GPC5: variants seen among roughly 807,000 people sequenced by gnomAD.
The protein encoded by GPC5 is glypican-5.
A neutral mutation model predicts 53.9 loss-of-function variants in GPC5; 47 were observed. The observed-to-expected ratio is 0.87, with a 90% CI of 0.69 to 1.11. The LOEUF (loss-of-function observed/expected upper bound fraction) is 1.11. GPC5 is among the 50% of genes most tolerant of loss of function. The probability of loss-of-function intolerance (pLI) is 0.00; values close to 1 mark genes in which losing one functional copy is unlikely to be tolerated. For synonymous variants in GPC5, 286 were observed against 263.3 expected, an observed-to-expected ratio of 1.09 and a Z score of -0.84; for missense variants, 748 against 713.1, an observed-to-expected ratio of 1.05 and a Z score of -0.56.
At chr13:91,795,700 G>A (rs887088614) in intron 5 of GPC5, among the ~76,000 whole-genome samples, 1 of 152,076 alleles carries the variant, frequency 6.6e-6, no homozygotes, top group Non-Finnish European at 1.5e-5. Context: ...CTTGGTGAAT[G>A]AGGTGCTAAC....
chr13:92,080,626 T>G (rs1401435560), intron 6 of GPC5, among the ~76,000 whole-genome samples: 1 of 152,238 alleles, frequency 6.6e-6, no homozygotes, highest in African/African-American at 2.4e-5. Context: ...ATCTGGACTT[T>G]ATCTTCATCA....
At chr13:92,275,353 T>C (rs2042868045) in intron 7 of GPC5, among the ~76,000 whole-genome samples, 1 of 152,056 alleles carries the variant, frequency 6.6e-6, no homozygotes, top group Non-Finnish European at 1.5e-5. Context: ...TTTAAAGGAT[T>C]TCATCATATA....
intron 7 of GPC5, among the ~76,000 whole-genome samples, chr13:92,450,156 A>G (rs1421428212): frequency 6.6e-6 from 1 of 152,126 alleles, no homozygotes; most frequent in African/African-American, 2.4e-5. Flanking sequence ...AACTTGGAAC[A>G]AAAGAAATTG....
At chr13:91,854,267 A>C (rs1160612158) in intron 5 of GPC5, among the ~76,000 whole-genome samples, 1 of 151,852 alleles carries the variant, frequency 6.6e-6, no homozygotes, top group African/African-American at 2.4e-5. Context: ...TTTTGTGGGT[A>C]CATAATAGGT....
chr13:92,176,406 G>C (rs955626710), intron 7 of GPC5, among the ~76,000 whole-genome samples: 9 of 152,152 alleles, frequency 5.9e-5, no homozygotes, highest in African/African-American at 1.9e-4. Context: ...GTAAGTGGTG[G>C]TTTGTGTTTT....
chr13:92,083,980 G>A (rs959015394), intron 6 of GPC5, among the ~76,000 whole-genome samples: 1 of 152,190 alleles, frequency 6.6e-6, no homozygotes, highest in African/African-American at 2.4e-5. Context: ...CAGGGACATG[G>A]ATGGAGCTGG....
At chr13:92,678,963 C>A (rs868444499) in intron 7 of GPC5, among the ~76,000 whole-genome samples, 6 of 151,912 alleles carry the variant, frequency 3.9e-5, no homozygotes, top group Non-Finnish European at 8.8e-5. Context: ...AGAGCCTGAG[C>A]CAAACGTCCC....
intron 7 of GPC5, among the ~76,000 whole-genome samples, chr13:92,195,269 TA>T (rs760386617): frequency 5.9e-5 from 9 of 152,182 alleles, no homozygotes; most frequent in Non-Finnish European, 1.2e-4. Context: ...GTGCAGTGCC[TA>T]AAACTAAACA....
chr13:92,326,303 T>C (rs989708036), intron 7 of GPC5, among the ~76,000 whole-genome samples: 1 of 152,092 alleles, frequency 6.6e-6, no homozygotes. Flanking sequence ...TATGGGTTTT[T>C]ATATTTCCTT....
intron 7 of GPC5, among the ~76,000 whole-genome samples, chr13:92,654,619 G>A (rs1458759102): frequency 1.3e-5 from 2 of 151,972 alleles, no homozygotes; most frequent in South Asian, 2.1e-4. Flanking sequence ...CCTTTATTAC[G>A]ATTTTGGATT....
chr13:92,331,071 A>C (rs1185835172), intron 7 of GPC5, among the ~76,000 whole-genome samples: 1 of 152,192 alleles, frequency 6.6e-6, no homozygotes, highest in Non-Finnish European at 1.5e-5. Context: ...AGGTCTAAAT[A>C]GATTTTTTTA....
In GPC5 at chr13:92,235,925, T is replaced by TA. The variant is rs201676682; in HGVS notation, c.1561+90945dup. On this transcript the variant is annotated intron_variant, in intron 7 of 7. Transcript: ENST00000377067. ...ACTTAAGATGTTGTTGGCACTGGTG[T>TA]AAAAAAAAAGCTTTTTCCTTTGAAA... Among the ~76,000 whole-genome samples, 267 of 150,788 alleles carry TA rather than the reference T, an allele frequency of 1.8e-3. 3 individuals are homozygous for TA. Among genetic ancestry groups the TA allele is most frequent in the Middle Eastern group, 3.4e-3 (1 of 294 alleles).
intron 7 of GPC5, among the ~76,000 whole-genome samples, chr13:92,516,232 T>G (rs1005212595): frequency 3.9e-5 from 6 of 152,000 alleles, no homozygotes; most frequent in African/African-American, 1.4e-4. Context: ...GAGAACATAC[T>G]GAGGTCTACA....
chr13:92,101,222 A>G (rs1465802298), intron 6 of GPC5, among the ~76,000 whole-genome samples: 2 of 151,832 alleles, frequency 1.3e-5, no homozygotes, highest in Non-Finnish European at 2.9e-5. Context: ...TTTTTTTTCC[A>G]TGTTGCTTTT....
At chr13:91,589,924 C>T (rs921576984) in intron 2 of GPC5, among the ~76,000 whole-genome samples, 1 of 152,060 alleles carries the variant, frequency 6.6e-6, no homozygotes, top group African/African-American at 2.4e-5. Flanking sequence ...ATATTAAATA[C>T]TCTTCAGTCC....
At chr13:92,718,948 A>G (rs1225547552) in intron 7 of GPC5, among the ~76,000 whole-genome samples, 2 of 152,052 alleles carry the variant, frequency 1.3e-5, no homozygotes, top group Non-Finnish European at 2.9e-5. Flanking sequence ...TGTTTGTAAC[A>G]CAAAGGAAGG....
At chr13:91,805,676 A>G (rs755811436) in intron 5 of GPC5, among the ~76,000 whole-genome samples, 5 of 152,122 alleles carry the variant, frequency 3.3e-5, no homozygotes, top group Admixed American at 6.6e-5. Context: ...TAGAAAATGC[A>G]GTGTGTGTGT....
At chr13:92,672,118 G>A (rs1886774450) in intron 7 of GPC5, among the ~76,000 whole-genome samples, 1 of 152,066 alleles carries the variant, frequency 6.6e-6, no homozygotes, top group African/African-American at 2.4e-5. Context: ...CAGTTTTGTT[G>A]GGTATTTTTT....
intron 1 of GPC5, among the ~76,000 whole-genome samples, chr13:91,411,603 C>T (rs1275479728): frequency 6.6e-6 from 1 of 152,180 alleles, no homozygotes; most frequent in Non-Finnish European, 1.5e-5. Flanking sequence ...TTACATAAAA[C>T]CATAGCTCCT....
Sources: gnomAD v4.1 joint callset for allele counts (sites outside exome capture counted in the v4.1 genomes callset) on GRCh38, gnomAD v4.1.1 for gene constraint, MANE v1.5 for transcripts, NCBI Gene and HGNC (gene_info 2026-07-23, HGNC 2026-07-21) for gene names.